The following LAMA2 variants were observed in gnomAD, a reference collection of about 807,000 sequenced individuals.
LAMA2 encodes the protein laminin subunit alpha-2.
A neutral mutation model predicts 364.8 loss-of-function variants in LAMA2; 269 were observed. That is an observed-to-expected ratio of 0.74 (90% CI 0.67 to 0.82). LAMA2 has a LOEUF of 0.82. Among genes scored for constraint, LAMA2 ranks in the 40% least tolerant of loss-of-function variants. The pLI is 0.00. For synonymous variants in LAMA2, 1,379 were observed against 1,370.6 expected, an observed-to-expected ratio of 1.01 and a Z score of -0.14; for missense variants, 3,807 against 3,873.2, an observed-to-expected ratio of 0.98 and a Z score of 0.45.
chr6:129,079,823 T>C (rs929231129), intron 3 of LAMA2, among the ~76,000 whole-genome samples: 3 of 152,126 alleles, frequency 2.0e-5, no homozygotes, highest in Non-Finnish European at 4.4e-5. Flanking sequence ...ACAACACATA[T>C]ACAAATACAT....
intron 1 of LAMA2, among the ~76,000 whole-genome samples, chr6:128,943,094 A>G (rs1215293104): frequency 1.3e-5 from 2 of 152,214 alleles, no homozygotes; most frequent in Non-Finnish European, 2.9e-5. Context: ...CTGTGTGATC[A>G]AAAACTATGT....
intron 40 of LAMA2, among the ~76,000 whole-genome samples, chr6:129,411,862 T>C (rs994241309): frequency 1.3e-5 from 2 of 152,070 alleles, no homozygotes; most frequent in Non-Finnish European, 2.9e-5. Flanking sequence ...GTAAGCATTA[T>C]GGAAAGCATA....
At chr6:129,382,853 G>T (rs1340301477) in intron 34 of LAMA2, among the ~76,000 whole-genome samples, 2 of 152,152 alleles carry the variant, frequency 1.3e-5, no homozygotes, top group Non-Finnish European at 2.9e-5. Flanking sequence ...AAATAATTGT[G>T]CTTTATTGCT....
chr6:129,167,370 T>C (rs1210520101), intron 9 of LAMA2, among the ~76,000 whole-genome samples: 2 of 142,120 alleles, frequency 1.4e-5, no homozygotes, highest in African/African-American at 5.2e-5. Context: ...GTCCATGTGA[T>C]AGCATTGTTC....
chr6:129,235,535 T>C (rs77870407), intron 12 of LAMA2, among the ~76,000 whole-genome samples: 3,564 of 152,308 alleles, frequency 0.023, 134 homozygotes, highest in African/African-American at 0.082. Flanking sequence ...TATGTTGTGA[T>C]TGATAGGACA....
intron 9 of LAMA2, among the ~76,000 whole-genome samples, chr6:129,169,181 A>G (rs1252737202): frequency 1.3e-5 from 2 of 150,192 alleles, no homozygotes; most frequent in African/African-American, 5.0e-5. Flanking sequence ...TGCCCTGGCC[A>G]GAACTTCCAA....
intron 37 of LAMA2, among the ~76,000 whole-genome samples, chr6:129,399,153 C>T (rs114501367): frequency 0.018 from 2,794 of 152,100 alleles, 60 homozygotes; most frequent in Middle Eastern, 0.024. Flanking sequence ...GTAATCAAGA[C>T]GAATCAATCT....
At chr6:129,241,790 C>G (rs1377600446) in intron 12 of LAMA2, among the ~76,000 whole-genome samples, 2 of 152,128 alleles carry the variant, frequency 1.3e-5, no homozygotes, top group African/African-American at 4.8e-5. Flanking sequence ...CCTGTTGATT[C>G]TCCTCTGGAG....
At chr6:129,461,126 TA>T (rs1206234423) in intron 49 of LAMA2, among the ~76,000 whole-genome samples, 2 of 152,046 alleles carry the variant, frequency 1.3e-5, no homozygotes, top group Non-Finnish European at 2.9e-5. Flanking sequence ...GCAATTTTGT[TA>T]AATTAAAACT....
At chr6:128,977,226 CCTTT>C (rs2114630159) in intron 1 of LAMA2, among the ~76,000 whole-genome samples, 1 of 151,072 alleles carries the variant, frequency 6.6e-6, no homozygotes, top group Admixed American at 6.6e-5. Context: ...CTTCCTTCCT[CCTTT>C]CTTTCTTGCT....
chr6:129,052,768 T>A (rs576398163), intron 2 of LAMA2, among the ~76,000 whole-genome samples: 17 of 152,264 alleles, frequency 1.1e-4, no homozygotes, highest in East Asian at 3.9e-4. Context: ...CTTTTTTTTT[T>A]AAATTATAAA....
At position 129,445,858 on chromosome 6, in the gene LAMA2, G is replaced by C. The variant is rs1335497846; in HGVS notation, c.6429+37G>C. 4 of 1,561,098 alleles carry C rather than the reference G, an allele frequency of 2.6e-6. No individual in the cohort carries two copies. In the African/African-American group the frequency reaches 4.1e-5, roughly 16 times the overall value. ...TTATCGTCAGTATCAGTAACTGATT[G>C]TAATTGTTGGATTATTCATAGAGGG... On this transcript the variant is annotated intron_variant, in intron 45 of 64. Transcript: ENST00000421865.
intron 3 of LAMA2, among the ~76,000 whole-genome samples, chr6:129,087,547 C>T (rs1774452875): frequency 6.6e-6 from 1 of 152,050 alleles, no homozygotes; most frequent in Non-Finnish European, 1.5e-5. Flanking sequence ...ATGTGGTTTC[C>T]TTTTATTAAA....
At chr6:129,358,298 A>G (rs963287844) in intron 32 of LAMA2, among the ~76,000 whole-genome samples, 11 of 152,104 alleles carry the variant, frequency 7.2e-5, no homozygotes, top group East Asian at 3.9e-4. Context: ...TGGTTTGTAT[A>G]TTATTGAGGA....
intron 40 of LAMA2, among the ~76,000 whole-genome samples, chr6:129,411,656 T>C (rs187766261): frequency 6.6e-6 from 1 of 152,020 alleles, no homozygotes; most frequent in African/African-American, 2.4e-5. Context: ...TTTACTCTTA[T>C]GTGACAGATC....
At chr6:129,238,135 T>G (rs1177100670) in intron 12 of LAMA2, among the ~76,000 whole-genome samples, 1 of 151,032 alleles carries the variant, frequency 6.6e-6, no homozygotes, top group Non-Finnish European at 1.5e-5. Flanking sequence ...ATAGTGCCAT[T>G]GCACTCCAGA....
At chr6:129,032,103 C>A (rs1314254657) in intron 1 of LAMA2, among the ~76,000 whole-genome samples, 1 of 152,204 alleles carries the variant, frequency 6.6e-6, no homozygotes, top group East Asian at 1.9e-4. Context: ...CAGGCGTGAG[C>A]CACCAGGCCC....
chr6:128,982,786 A>C (rs1440605779), intron 1 of LAMA2, among the ~76,000 whole-genome samples: 2 of 101,196 alleles, frequency 2.0e-5, no homozygotes, highest in African/African-American at 8.0e-5. Flanking sequence ...AACAGTCCCC[A>C]GAGTGTGATG....
chr6:128,987,140 G>GTTTTTTTTT (rs764115716), intron 1 of LAMA2, among the ~76,000 whole-genome samples: 1 of 121,358 alleles, frequency 8.2e-6, no homozygotes, highest in Non-Finnish European at 1.7e-5. Flanking sequence ...TTTTTTTTTT[G>GTTTTTTTTT]TTTTTTTTTT....
Sources: gnomAD v4.1 joint callset for allele counts (sites outside exome capture counted in the v4.1 genomes callset) on GRCh38, gnomAD v4.1.1 for gene constraint, MANE v1.5 for transcripts, NCBI Gene and HGNC (gene_info 2026-07-23, HGNC 2026-07-21) for gene names.